The following ARB2A variants were observed in gnomAD, a reference collection of about 807,000 sequenced individuals.
ARB2A encodes the protein cotranscriptional regulator ARB2A.
chr5:93,961,281 G>A, the ARB2A span, among the ~76,000 whole-genome samples: 1 of 152,074 alleles, frequency 6.6e-6, no homozygotes, highest in East Asian at 1.9e-4. Context: ...TCCAGTAGGT[G>A]CTGATCACTG....
At chr5:93,762,465 A>C in the ARB2A span, among the ~76,000 whole-genome samples, 1,336 of 152,346 alleles carry the variant, frequency 8.8e-3, 24 homozygotes, top group African/African-American at 0.03. Context: ...TGGAAGATCA[A>C]ATGAATGAAA....
At chr5:94,050,733 C>G in the ARB2A span, 2 of 1,599,944 alleles carry the variant, frequency 1.3e-6, no homozygotes, top group Non-Finnish European at 1.7e-6. Context: ...TGACATACCT[C>G]TCCTAGAGCC....
chr5:93,705,502 C>T, the ARB2A span, among the ~76,000 whole-genome samples: 5 of 151,874 alleles, frequency 3.3e-5, no homozygotes, highest in South Asian at 2.1e-4. Flanking sequence ...TAATTTATAA[C>T]TATTTTAAGG....
the ARB2A span, among the ~76,000 whole-genome samples, chr5:93,826,230 G>T: frequency 6.6e-6 from 1 of 152,276 alleles, no homozygotes; most frequent in African/African-American, 2.4e-5. Flanking sequence ...TCAAGAAAAT[G>T]CTTTGTACGA....
At chr5:94,072,922 C>G in the ARB2A span, among the ~76,000 whole-genome samples, 1 of 152,116 alleles carries the variant, frequency 6.6e-6, no homozygotes, top group Admixed American at 6.5e-5. Context: ...CCAGCATGCA[C>G]TGCTTTAACC....
chr5:93,700,668 T>C, the ARB2A span, among the ~76,000 whole-genome samples: 3 of 152,154 alleles, frequency 2.0e-5, no homozygotes, highest in Non-Finnish European at 4.4e-5. Flanking sequence ...CTTATAGAGA[T>C]GGCAACAAAA....
the ARB2A span, among the ~76,000 whole-genome samples, chr5:93,925,658 C>T: frequency 1.3e-5 from 2 of 152,036 alleles, no homozygotes; most frequent in Non-Finnish European, 2.9e-5. Flanking sequence ...GGACTATGGT[C>T]GATGACAGGT....
At chr5:93,795,848 C>CAA in the ARB2A span, among the ~76,000 whole-genome samples, 18 of 96,982 alleles carry the variant, frequency 1.9e-4, no homozygotes, top group African/African-American at 5.8e-4. Flanking sequence ...TATTGAAAAG[C>CAA]AAAAAAAAAA....
the ARB2A span, among the ~76,000 whole-genome samples, chr5:93,651,578 T>C: frequency 6.6e-6 from 1 of 152,130 alleles, no homozygotes; most frequent in East Asian, 1.9e-4. Context: ...TTCTTTAGGC[T>C]GAAAGGAAAT....
chr5:93,815,424 C>T, the ARB2A span, among the ~76,000 whole-genome samples: 1 of 152,078 alleles, frequency 6.6e-6, no homozygotes, highest in Non-Finnish European at 1.5e-5. Flanking sequence ...TCTCCATTTC[C>T]TTTATTGCCA....
the ARB2A span, among the ~76,000 whole-genome samples, chr5:93,828,922 G>C: frequency 6.6e-6 from 1 of 152,058 alleles, no homozygotes; most frequent in African/African-American, 2.4e-5. Flanking sequence ...GGTTACAGGT[G>C]CATGCCACCA....
At chr5:94,011,943 A>G in the ARB2A span, among the ~76,000 whole-genome samples, 1 of 149,654 alleles carries the variant, frequency 6.7e-6, no homozygotes, top group Admixed American at 6.6e-5. Context: ...AGACAAAAAA[A>G]AAAAAAAAAA....
the ARB2A span, chr5:93,621,122 G>C: frequency 6.2e-7 from 1 of 1,611,318 alleles, no homozygotes; most frequent in Non-Finnish European, 8.5e-7. Flanking sequence ...GCTCGTGACG[G>C]TCGGTGCCTG....
chr5:93,680,330 A>T, the ARB2A span, among the ~76,000 whole-genome samples: 2 of 152,160 alleles, frequency 1.3e-5, no homozygotes, highest in Non-Finnish European at 2.9e-5. Flanking sequence ...ATTATTTGTC[A>T]TAATAAAAAA....
the ARB2A span, among the ~76,000 whole-genome samples, chr5:93,854,063 T>C: frequency 6.6e-6 from 1 of 152,200 alleles, no homozygotes; most frequent in African/African-American, 2.4e-5. Flanking sequence ...TCTGGTAGAA[T>C]TTGGCTCTGA....
chr5:93,737,787 C>A, the ARB2A span: 1 of 336,790 alleles, frequency 3.0e-6, no homozygotes, highest in South Asian at 2.3e-5. Context: ...TATCCACATG[C>A]AAAAGAATGA....
At chr5:93,956,182 G>C in the ARB2A span, among the ~76,000 whole-genome samples, 1 of 152,158 alleles carries the variant, frequency 6.6e-6, no homozygotes, top group Non-Finnish European at 1.5e-5. Flanking sequence ...ATAAAGTCCT[G>C]AAGTATCTAA....
chr5:93,868,656 T>C, the ARB2A span, among the ~76,000 whole-genome samples: 2 of 152,130 alleles, frequency 1.3e-5, no homozygotes, highest in Admixed American at 1.3e-4. Context: ...CATCTCCACC[T>C]ACAAGGCTCA....
the ARB2A span, among the ~76,000 whole-genome samples, chr5:93,714,995 T>G: frequency 6.6e-6 from 1 of 152,252 alleles, no homozygotes; most frequent in African/African-American, 2.4e-5. Flanking sequence ...CATAAAAAAT[T>G]TAGGTTCTTG....
Sources: allele counts gnomAD v4.1 joint callset (sites outside exome capture counted in the v4.1 genomes callset), GRCh38; gene constraint gnomAD v4.1.1; transcripts MANE v1.5; gene names NCBI Gene and HGNC (gene_info 2026-07-23, HGNC 2026-07-21).